The following PSMD2 variants were observed in gnomAD, a reference collection of about 807,000 sequenced individuals.
PSMD2 encodes proteasome 26S subunit ubiquitin receptor, non-ATPase 2, also known as 26S proteasome non-ATPase regulatory subunit 2.
PSMD2 carries 8 observed loss-of-function variants against 101.5 expected under a neutral mutation model. The ratio of observed to expected loss-of-function variants is 0.08; its 90% confidence interval spans 0.05 to 0.14. The LOEUF (loss-of-function observed/expected upper bound fraction) is 0.14. PSMD2 is among the 10% of genes least tolerant of loss of function. The pLI is 1.00. For missense variants in PSMD2, 784 were observed against 1,147.4 expected, an observed-to-expected ratio of 0.68 and a Z score of 4.58; for synonymous variants, 418 against 433.8, an observed-to-expected ratio of 0.96 and a Z score of 0.45.
chr3:184,304,339 A>G lies in PSMD2; in HGVS notation c.1487A>G (p.Asp496Gly), dbSNP rs1325480117. Residue 496 changes from aspartate to glycine, a missense_variant, in exon 12 of 21, where the codon GAT becomes GGT. Around this residue, in one of 6 missense-constraint regions of PSMD2, gnomAD observed 282 missense variants for 437.6 expected, o/e 0.64. Transcript: ENST00000310118. This position sits in a 1 kb window ranked among gnomAD's most constrained non-coding sequence, Gnocchi z 4.1. ...GLAYAGSNRE[D>G]VLTLLLPVMG... ...GCTTATGCTGGCTCAAATCGTGAAGATGTCCTAACACTGCTGCTGCCTGTG... is the reference window on the plus strand; with the variant it reads ...GCTTATGCTGGCTCAAATCGTGAAGGTGTCCTAACACTGCTGCTGCCTGTG... 2.5e-6 allele frequency: 4 copies of G among 1,614,072 alleles called. No homozygotes were observed. Among genetic ancestry groups the G allele is most frequent in the Non-Finnish European group, 3.4e-6 (4 of 1,180,048 alleles).
chr3:184,303,899 T>C, intron 10 of PSMD2, 48 bp from the exon 11 acceptor site: 1 of 1,613,814 alleles, frequency 6.2e-7, no homozygotes, highest in Non-Finnish European at 8.5e-7. Context: ...TCCTTTGCGG[T>C]GAGGAAGATA....
At position 184,302,391 on chromosome 3, in the gene PSMD2, G is replaced by A; in HGVS notation, c.726G>A (p.Glu242=). 1 of 1,613,804 alleles carries A rather than the reference G, an allele frequency of 6.2e-7. No individual in the cohort carries two copies. The highest frequency in any genetic ancestry group is 8.5e-7 in the Non-Finnish European group (1 of 1,179,926). The change falls in exon 6 of 21, where the codon GAG becomes GAA. Residue 242 remains glutamate, a synonymous_variant. Transcript: ENST00000310118. ...GTAGTTGTGTGAATTACGTGCCTGA[G>A]CCTGAGAACTCAGCCCTACTGCGTT... ...YLTSCVNYVP[E]PENSALLRCA...
chr3:184,303,198 G>T, intron 8 of PSMD2, 122 bp from the exon 9 acceptor site: 1 of 1,498,142 alleles, frequency 6.7e-7, no homozygotes, highest in Non-Finnish European at 9.2e-7. Flanking sequence ...ACTGCTTGGG[G>T]GGGTATAGGT....
At chr3:184,305,407 C>CG (rs1014260731) in intron 12 of PSMD2, among the ~76,000 whole-genome samples, 8 of 151,066 alleles carry the variant, frequency 5.3e-5, no homozygotes, top group Admixed American at 2.6e-4. Context: ...GAGAATCGCT[C>CG]GAACCCAGGA....
intron 12 of PSMD2, 125 bp from the exon 13 acceptor site, chr3:184,305,643 G>A: frequency 1.2e-6 from 1 of 866,192 alleles, no homozygotes; most frequent in Non-Finnish European, 1.8e-6. Flanking sequence ...TTGTTATTTT[G>A]ATATTATGAA....
chr3:184,306,989 C>T (rs1389159117), intron 16 of PSMD2, among the ~76,000 whole-genome samples, 155 bp downstream of exon 16: 3 of 151,922 alleles, frequency 2.0e-5, no homozygotes, highest in African/African-American at 7.3e-5. Flanking sequence ...CGGAGTTTTG[C>T]TCTAGAGTGC....
chr3:184,301,499 C>T, intron 3 of PSMD2, 38 bp from the exon 4 acceptor site: 1 of 1,610,974 alleles, frequency 6.2e-7, no homozygotes. Context: ...TTATGCTGGA[C>T]TGCTGGGTTT....
intron 3 of PSMD2, 146 bp downstream of exon 3, chr3:184,300,590 A>G (rs2108440349): frequency 1.4e-6 from 2 of 1,430,610 alleles, no homozygotes; most frequent in South Asian, 1.6e-5. Context: ...CAAAATATCT[A>G]CAGAAGAGCT....
In PSMD2 at chr3:184,304,445, T is replaced by A. The variant is rs758781084; in HGVS notation, c.1539+54T>A. On this transcript the variant is annotated intron_variant, in intron 12 of 20. Coordinates refer to ENST00000310118, the MANE Select transcript of PSMD2 (RefSeq NM_002808.5). This position sits in a 1 kb window ranked among gnomAD's most constrained non-coding sequence, Gnocchi z 4.1. ...TAAGTAGGGAAGGTGCTTTGAGTCT[T>A]ACTTTCTGTGATAAATAATGAAAAA... 318 of 1,526,144 alleles carry A rather than the reference T, an allele frequency of 2.1e-4. No individual in the cohort carries two copies. Among genetic ancestry groups the A allele is most frequent in the Non-Finnish European group, 2.9e-4 (314 of 1,100,308 alleles). 94.5% of individuals were successfully genotyped at this position (1,526,144 alleles called of 1,614,324 possible).
intron 16 of PSMD2, 94 bp downstream of exon 16, chr3:184,306,928 G>A: frequency 2.0e-6 from 2 of 992,584 alleles, no homozygotes; most frequent in Non-Finnish European, 1.5e-6. Context: ...TTGGTGGAGA[G>A]CTGGTCTTTT....
chr3:184,303,908 T>TA (rs1560195183), intron 10 of PSMD2, 39 bp from the exon 11 acceptor site: 1 of 1,614,112 alleles, frequency 6.2e-7, no homozygotes, highest in East Asian at 2.2e-5. Context: ...GTGAGGAAGA[T>TA]AGAGTATCCT....
intron 16 of PSMD2, among the ~76,000 whole-genome samples, 176 bp downstream of exon 16, chr3:184,307,010 T>A (rs2108444798): frequency 1.3e-5 from 2 of 152,298 alleles, no homozygotes; most frequent in Middle Eastern, 6.8e-3. Context: ...AATGGCACGG[T>A]CTTGGCCCAC....
intron 15 of PSMD2, 122 bp from the exon 16 acceptor site, chr3:184,306,629 G>A: frequency 6.6e-7 from 1 of 1,524,670 alleles, no homozygotes; most frequent in Non-Finnish European, 8.9e-7. Context: ...ACTGGGTTCT[G>A]TATGTAAGGG....
In PSMD2 at chr3:184,304,180, T is replaced by C; in HGVS notation, c.1451+106T>C. The C allele has an allele frequency of 6.4e-7, 1 of 1,553,670 alleles. No homozygotes were observed. Among genetic ancestry groups the C allele is most frequent in the Non-Finnish European group, 8.9e-7 (1 of 1,125,946 alleles). The stretch of plus-strand genomic sequence containing the variant: ...TTGCCAAGGGCTACCACTGTGCCTA[T>C]TGGGTATCTGGCTCTTGGTGAATGT... On this transcript the variant is annotated intron_variant, in intron 11 of 20. Transcript: ENST00000310118. The surrounding 1 kb of genome is among the most constrained non-coding windows in gnomAD (Gnocchi z 4.1).
In PSMD2 at chr3:184,303,308, C is replaced by G. The variant is rs760894140; in HGVS notation, c.1070-12C>G. ...CCTTCTTTCCTTACTTTTCCTCTCC[C>G]TCCTGTTGCAGGGTTTGGGGGCAGT... On this transcript the variant is annotated splice_polypyrimidine_tract_variant and intron_variant, in intron 8 of 20. Transcript: ENST00000310118. 11 of 1,607,926 alleles carry G rather than the reference C, an allele frequency of 6.8e-6. No individual in the cohort carries two copies. In the South Asian group the frequency reaches 1.1e-4, roughly 16 times the overall value.
intron 1 of PSMD2, 125 bp from the exon 2 acceptor site, chr3:184,299,726 C>T (rs1577154470): frequency 2.5e-6 from 2 of 795,550 alleles, no homozygotes; most frequent in Non-Finnish European, 4.2e-6. Context: ...CATTCCCACT[C>T]GGTTTCCTTG....
chr3:184,305,951 G>A (rs778667961), intron 13 of PSMD2, 21 bp downstream of exon 13: 68 of 1,613,752 alleles, frequency 4.2e-5, no homozygotes, highest in Non-Finnish European at 5.5e-5. Context: ...GTTTCTATTT[G>A]GGCAAAGAGC....
Position 184,304,275 on chromosome 3 carries a change from T to C in PSMD2, c.1452-29T>C, listed in dbSNP as rs1161781877. The C allele has an allele frequency of 4.3e-6, 7 of 1,609,230 alleles. No individual in the cohort carries two copies. The South Asian group carries it at 6.6e-5, about 15-fold the overall frequency. On this transcript the variant is annotated intron_variant, in intron 11 of 20. Coordinates refer to ENST00000310118, the MANE Select transcript of PSMD2 (RefSeq NM_002808.5). This position sits in a 1 kb window ranked among gnomAD's most constrained non-coding sequence, Gnocchi z 4.1. The stretch of plus-strand genomic sequence containing the variant: ...TCTTGCTGCATCGTTGGGTATGTGT[T>C]GGGGACCGCCTTTCCATGGCTTTTG...
rs115816999 is a variant in PSMD2, at chr3:184,306,242, C to T, written c.1804+87C>T. 5.3e-3 allele frequency: 8,429 copies of T among 1,593,418 alleles called. 370 individuals carry two copies. The African/African-American group carries it at 0.096, about 18-fold the overall frequency. ...CTTATTTTCAGGTTGTTTCTCCTTT[C>T]TCCTTCATTCTGATCTGCTCTAGAT... is the stretch of plus-strand genomic sequence containing the variant. On this transcript the variant is annotated intron_variant, in intron 14 of 20. Transcript: ENST00000310118.
Sources: gnomAD v4.1 joint callset for allele counts (sites outside exome capture counted in the v4.1 genomes callset) on GRCh38, gnomAD v4.1.1 for gene constraint, gnomAD v4.1.1 regional missense constraint, Gnocchi (gnomAD v3.1) non-coding constraint, MANE v1.5 for transcripts, NCBI Gene and HGNC (gene_info 2026-07-23, HGNC 2026-07-21) for gene names.